The following PLEKHM3 variants were observed in gnomAD, a reference collection of about 807,000 sequenced individuals.
PLEKHM3 encodes the protein pleckstrin homology domain containing M3.
In PLEKHM3, 45 loss-of-function variants were observed where a neutral mutation model predicts 81.8. The observed-to-expected ratio is 0.55, with a 90% confidence interval of 0.43 to 0.71. The LOEUF is 0.71. Among genes scored for constraint, PLEKHM3 ranks in the 30% least tolerant of loss-of-function variants. The pLI is 0.00. For synonymous variants in PLEKHM3, 352 were observed against 356.4 expected (o/e 0.99, Z 0.14); for missense variants, 788 against 924.3 (o/e 0.85, Z 1.91).
In PLEKHM3 at chr2:207,977,474, G is replaced by A. The variant is rs1393633054; in HGVS notation, c.723C>T (p.Tyr241=). 6.2e-7 allele frequency: 1 copy of A among 1,614,176 alleles called. No individual in the cohort carries two copies. Among genetic ancestry groups the A allele is most frequent in the Non-Finnish European group, 8.5e-7 (1 of 1,179,972 alleles). ...TCCCACTGCTGTCGAGGCTGTAGAAGTATAAGTTGTAAGGTGAAAGTTCTG... is the reference window on the plus strand; with the variant it reads ...TCCCACTGCTGTCGAGGCTGTAGAAATATAAGTTGTAAGGTGAAAGTTCTG... ...CYAELSPYNL[Y]FYSLDSSGNQ... is the part of the protein sequence containing the mutation. The change falls in exon 3 of 8, where the codon TAC becomes TAT. Residue 241 remains tyrosine, a synonymous_variant. Transcript: ENST00000427836.
chr2:207,945,824 C>A (rs1397809242), intron 4 of PLEKHM3, among the ~76,000 whole-genome samples: 3 of 151,770 alleles, frequency 2.0e-5, no homozygotes, highest in African/African-American at 7.3e-5. Context: ...TCACTTGAAC[C>A]CAGGAAGTGG....
At position 207,946,360 on chromosome 2, in the gene PLEKHM3, T is replaced by G. The variant is rs1438163370; in HGVS notation, c.1692+7A>C. On this transcript the variant is annotated splice_region_variant and intron_variant, in intron 4 of 7. Transcript: ENST00000427836. ...TATTATTAAGTGAACTGAGTTTTTG[T>G]ACCTACCTTATACTTTGAAGTATCC... The G allele has an allele frequency of 6.8e-6, 11 of 1,611,640 alleles. No homozygotes were observed. Among genetic ancestry groups the G allele is most frequent in the East Asian group, 2.2e-5 (1 of 44,840 alleles).
At chr2:207,999,137 C>A (rs549690426) in intron 2 of PLEKHM3, among the ~76,000 whole-genome samples, 1 of 152,128 alleles carries the variant, frequency 6.6e-6, no homozygotes, top group African/African-American at 2.4e-5. Context: ...CACGTGCCAC[C>A]AAGCCCAGCT....
chr2:207,976,392 A>G lies in PLEKHM3; in HGVS notation c.1546+259T>C, dbSNP rs1232975352. 6.6e-6 allele frequency among the ~76,000 whole-genome samples: 1 copy of G among 152,230 alleles called. No individual in the cohort carries two copies. The highest frequency in any genetic ancestry group is 2.4e-5 in the African/African-American group (1 of 41,456). On this transcript the variant is annotated intron_variant, in intron 3 of 7. Transcript: ENST00000427836. The surrounding 1 kb of genome is among the most constrained non-coding windows in gnomAD (Gnocchi z 4.1). ...TTCTAGTCTGGTTAAGCTTTAGCCAAATCATTTTGATTCAACAGGATATAT... is the reference window on the plus strand; with the variant it reads ...TTCTAGTCTGGTTAAGCTTTAGCCAGATCATTTTGATTCAACAGGATATAT...
intron 3 of PLEKHM3, among the ~76,000 whole-genome samples, chr2:207,965,772 T>C (rs1354726121): frequency 6.6e-6 from 1 of 152,224 alleles, no homozygotes; most frequent in African/African-American, 2.4e-5. Context: ...AAAAGTAAAG[T>C]AATTTATTTA....
Position 207,998,050 on chromosome 2 carries a change from C to T in PLEKHM3, c.610+2980G>A, listed in dbSNP as rs563816323. Among the ~76,000 whole-genome samples, 13 of 152,296 alleles carry T rather than the reference C, an allele frequency of 8.5e-5. No individual in the cohort carries two copies. The East Asian group carries it at 2.5e-3, about 29-fold the overall frequency. ...AGGTGATCAGCCATGCAATCTAGAA[C>T]TCCAGCCTGAGAATGGGTGGCCACT... is the stretch of plus-strand genomic sequence containing the variant. On this transcript the variant is annotated intron_variant, in intron 2 of 7. Coordinates refer to ENST00000427836, the MANE Select transcript of PLEKHM3 (RefSeq NM_001080475.3).
At chr2:207,955,374 CAA>C (rs1690469028) in intron 3 of PLEKHM3, among the ~76,000 whole-genome samples, 1 of 151,712 alleles carries the variant, frequency 6.6e-6, no homozygotes, top group Non-Finnish European at 1.5e-5. Flanking sequence ...GTTCTTTCCC[CAA>C]AGTCTTTCAA....
chr2:207,974,173 T>A (rs1482624557), intron 3 of PLEKHM3, among the ~76,000 whole-genome samples: 3 of 152,164 alleles, frequency 2.0e-5, no homozygotes, highest in African/African-American at 7.2e-5. Flanking sequence ...TGCCAGAAAT[T>A]TCTATTCCTG....
At chr2:207,929,768 T>C in intron 5 of PLEKHM3, 1 of 525,872 alleles carries the variant, frequency 1.9e-6, no homozygotes, top group South Asian at 3.1e-5. Context: ...AGATATTATA[T>C]ATCCTTTACT....
rs1363789564 is a variant in PLEKHM3, at chr2:207,976,639, T to C, written c.1546+12A>G. On this transcript the variant is annotated intron_variant, in intron 3 of 7. Coordinates refer to ENST00000427836, the MANE Select transcript of PLEKHM3 (RefSeq NM_001080475.3). This position sits in a 1 kb window ranked among gnomAD's most constrained non-coding sequence, Gnocchi z 4.1. ...TCTTTAATGAGCTATAGGCTGAAAATCTGCTTCATACCTGCACATTTGAAA... is the reference window on the plus strand; with the variant it reads ...TCTTTAATGAGCTATAGGCTGAAAACCTGCTTCATACCTGCACATTTGAAA... 6.2e-7 allele frequency: 1 copy of C among 1,605,708 alleles called. No homozygotes were observed. The highest frequency in any genetic ancestry group is 8.5e-7 in the Non-Finnish European group (1 of 1,175,732).
chr2:207,916,604 T>C (rs1403665414), intron 5 of PLEKHM3, among the ~76,000 whole-genome samples: 1 of 151,890 alleles, frequency 6.6e-6, no homozygotes, highest in Non-Finnish European at 1.5e-5. Context: ...AAAAATTAGC[T>C]GGGTATGGTG....
rs2092227513 is a variant in PLEKHM3, at chr2:207,822,985, A to G, written c.*5334T>C. ...CAAGGAAGATCCAGGGAAAAGAGAG[A>G]GGCTGGTTTGCAGCTTCACGGCCAA... On this transcript the variant is annotated 3_prime_UTR_variant, in exon 8 of 8. Coordinates refer to ENST00000427836, the MANE Select transcript of PLEKHM3 (RefSeq NM_001080475.3). 6.6e-6 allele frequency: 1 copy of G among 152,342 alleles called. No homozygotes were observed. Among genetic ancestry groups the G allele is most frequent in the Non-Finnish European group, 1.5e-5 (1 of 68,156 alleles). 9.4% of individuals were successfully genotyped at this position (152,342 alleles called of 1,614,324 possible). A position where few individuals can be genotyped will look rare whatever the true frequency, so the allele number is the denominator to read the frequency against.
chr2:208,001,982 A>G, intron 1 of PLEKHM3, 25 bp from the exon 2 acceptor site: 1 of 290,296 alleles, frequency 3.4e-6, no homozygotes, highest in Non-Finnish European at 6.5e-6. Flanking sequence ...ACAGGATAAC[A>G]TTGGCACATG....
intron 6 of PLEKHM3, among the ~76,000 whole-genome samples, chr2:207,870,092 T>C (rs1470738821): frequency 6.6e-6 from 1 of 152,112 alleles, no homozygotes; most frequent in Non-Finnish European, 1.5e-5. Flanking sequence ...GAAATTGCAG[T>C]GTCATGTTCA....
At chr2:207,957,096 T>G (rs1690540360) in intron 3 of PLEKHM3, among the ~76,000 whole-genome samples, 1 of 152,168 alleles carries the variant, frequency 6.6e-6, no homozygotes, top group African/African-American at 2.4e-5. Flanking sequence ...TTCAAGCCTG[T>G]GACTCATGTG....
intron 1 of PLEKHM3, among the ~76,000 whole-genome samples, chr2:208,023,589 A>C (rs557231786): frequency 1.3e-5 from 2 of 152,230 alleles, no homozygotes; most frequent in South Asian, 4.1e-4. Context: ...CGCAAACCTT[A>C]TTGTGAACTG....
Position 207,865,781 on chromosome 2 carries a change from C to CAAAAAAAAAA in PLEKHM3, c.1951-4529_1951-4520dup, listed in dbSNP as rs71412445. Among the ~76,000 whole-genome samples the CAAAAAAAAAA allele has an allele frequency of 3.2e-3, 12 of 3,796 alleles. 3 individuals are homozygous for CAAAAAAAAAA. Among genetic ancestry groups the CAAAAAAAAAA allele is most frequent in the Admixed American group, 9.3e-3 (2 of 216 alleles). The allele number at this position is 3,796 out of a possible 152,430, so 2.5% of individuals were successfully genotyped here. On this transcript the variant is annotated intron_variant, in intron 6 of 7. Transcript: ENST00000427836. ...GGCAACAAGAACAAAAACTCCGACTCAAAAAAAAAAAAAAAAAAAAAGATA... is the reference window on the plus strand; with the variant it reads ...GGCAACAAGAACAAAAACTCCGACTCAAAAAAAAAAAAAAAAAAAAAAAAAAAAAAAGATA...
chr2:207,948,349 CT>C (rs752976462), intron 3 of PLEKHM3, among the ~76,000 whole-genome samples: 1,644 of 80,936 alleles, frequency 0.02, 3 homozygotes, highest in African/African-American at 0.08. Flanking sequence ...CTCCTCAGAT[CT>C]TTTTTTTTTT....
rs2092262954 is a variant in PLEKHM3, at chr2:207,828,143, G to A, written c.*176C>T. The A allele has an allele frequency of 2.4e-6, 1 of 424,750 alleles. No homozygotes were observed. Among genetic ancestry groups the A allele is most frequent in the South Asian group, 7.8e-5 (1 of 12,898 alleles). 26.3% of individuals were successfully genotyped at this position (424,750 alleles called of 1,614,324 possible). A position where few individuals can be genotyped will look rare whatever the true frequency, so the allele number is the denominator to read the frequency against. On this transcript the variant is annotated 3_prime_UTR_variant, in exon 8 of 8. Transcript: ENST00000427836. ...TCGTCTGGACAATGATGTACACAGA[G>A]CATACGTACAGGACGTATAGGTATT...
Sources: allele counts gnomAD v4.1 joint callset (sites outside exome capture counted in the v4.1 genomes callset), GRCh38; gene constraint gnomAD v4.1.1; non-coding constraint Gnocchi (gnomAD v3.1); transcripts MANE v1.5; gene names NCBI Gene and HGNC (gene_info 2026-07-23, HGNC 2026-07-21).